TENM3: variants seen among roughly 807,000 people sequenced by gnomAD.
TENM3 encodes teneurin-3.
Under a neutral mutation model 255.1 loss-of-function variants are expected in TENM3, and 63 were observed. That is an observed-to-expected ratio of 0.25 (90% confidence interval 0.20 to 0.30). TENM3 has a LOEUF of 0.30. Among genes scored for constraint, TENM3 ranks in the 10% least tolerant of loss-of-function variants. TENM3 has a pLI of 1.00. For synonymous variants in TENM3, 1,306 were observed against 1,322.3 expected (o/e 0.99, Z 0.27); for missense variants, 2,929 against 3,461.1 (o/e 0.85, Z 3.86).
the TENM3 span, among the ~76,000 whole-genome samples, chr4:181,971,496 T>C: frequency 6.6e-6 from 1 of 152,116 alleles, no homozygotes; most frequent in Non-Finnish European, 1.5e-5. Flanking sequence ...TAACTTAATA[T>C]AGTTCTACCC....
chr4:181,668,231 G>A, the TENM3 span, among the ~76,000 whole-genome samples: 1 of 152,178 alleles, frequency 6.6e-6, no homozygotes, highest in Admixed American at 6.5e-5. Context: ...ACAGTTGTCT[G>A]TCTGGCTTTC....
intron 1 of TENM3, among the ~76,000 whole-genome samples, chr4:182,191,862 A>G (rs1753546464): frequency 6.6e-6 from 1 of 152,140 alleles, no homozygotes; most frequent in Non-Finnish European, 1.5e-5. Flanking sequence ...ATTATCGCTG[A>G]TCTACTTTTG....
chr4:182,785,223 C>T (rs932578120), intron 24 of TENM3, among the ~76,000 whole-genome samples: 3 of 151,630 alleles, frequency 2.0e-5, no homozygotes, highest in Admixed American at 6.6e-5. Context: ...ACTACAGGCA[C>T]CTCCACACCT....
intron 3 of TENM3, among the ~76,000 whole-genome samples, chr4:182,428,227 G>A (rs1340318799): frequency 6.6e-6 from 1 of 152,008 alleles, no homozygotes; most frequent in African/African-American, 2.4e-5. Flanking sequence ...AAGTGATAAG[G>A]AATTATTATA....
chr4:181,809,013 T>C, the TENM3 span, among the ~76,000 whole-genome samples: 2 of 152,188 alleles, frequency 1.3e-5, no homozygotes, highest in Non-Finnish European at 2.9e-5. Flanking sequence ...ATATTTGACA[T>C]ACACCGGAGA....
chr4:181,582,683 A>AAAAG, the TENM3 span, among the ~76,000 whole-genome samples: 1 of 146,752 alleles, frequency 6.8e-6, no homozygotes, highest in African/African-American at 2.5e-5. Flanking sequence ...AAAAAAAAAA[A>AAAAG]AAAGAAAGAA....
At chr4:181,482,491 G>T in the TENM3 span, among the ~76,000 whole-genome samples, 68 of 152,174 alleles carry the variant, frequency 4.5e-4, no homozygotes, top group African/African-American at 1.5e-3. Context: ...CAAATGCATA[G>T]GTGTACAGTG....
intron 11 of TENM3, among the ~76,000 whole-genome samples, 191 bp from the exon 12 acceptor site, chr4:182,687,975 G>T (rs368522489): frequency 6.6e-6 from 1 of 152,206 alleles, no homozygotes; most frequent in Non-Finnish European, 1.5e-5. Flanking sequence ...AAGACGTAGA[G>T]TTCCACCATT....
chr4:182,139,600 C>G (rs567969182), upstream of TENM3, among the ~76,000 whole-genome samples: 20 of 152,318 alleles, frequency 1.3e-4, no homozygotes, highest in African/African-American at 4.6e-4. Flanking sequence ...AAAAGGCACT[C>G]TATGATAACT....
At chr4:182,767,851 C>A (rs1763854570) in intron 22 of TENM3, among the ~76,000 whole-genome samples, 1 of 152,190 alleles carries the variant, frequency 6.6e-6, no homozygotes, top group African/African-American at 2.4e-5. Context: ...TTTATCCCAT[C>A]TGGAGGCCTT....
chr4:182,793,753 G>A lies in TENM3; in HGVS notation c.7081G>A (p.Ala2361Thr), dbSNP rs749739188. 4 of 1,613,960 alleles carry A rather than the reference G, an allele frequency of 2.5e-6. No individual in the cohort carries two copies. Among genetic ancestry groups the A allele is most frequent in the Non-Finnish European group, 3.4e-6 (4 of 1,179,888 alleles). The change falls in exon 26 of 28, where the codon GCA becomes ACA. Residue 2361 changes from alanine to threonine, a missense_variant. By Grantham distance (58) the Ala-to-Thr change is moderately conservative. Coordinates refer to ENST00000511685, the MANE Select transcript of TENM3 (RefSeq NM_001080477.4). This position sits in a 1 kb window ranked among gnomAD's most constrained non-coding sequence, Gnocchi z 5.7. Reference protein sequence around the residue: ...HFGERDYDILAGRWTTPDIEI... With the variant: ...HFGERDYDILTGRWTTPDIEI... ...TGGAGAAAGAGATTATGACATTTTG[G>A]CAGGACGGTGGACAACACCTGACAT...
the TENM3 span, among the ~76,000 whole-genome samples, chr4:181,610,247 A>G: frequency 9.6e-3 from 1,446 of 151,208 alleles, 25 homozygotes; most frequent in African/African-American, 0.033. Flanking sequence ...TATGGGCACA[A>G]TCCTCATTTT....
At chr4:182,766,811 A>T (rs1272233194) in intron 22 of TENM3, among the ~76,000 whole-genome samples, 2 of 152,134 alleles carry the variant, frequency 1.3e-5, no homozygotes, top group Non-Finnish European at 2.9e-5. Flanking sequence ...AGCACGGGTC[A>T]GAATTTGCCC....
chr4:181,694,130 TG>T, the TENM3 span, among the ~76,000 whole-genome samples: 1 of 152,162 alleles, frequency 6.6e-6, no homozygotes, highest in East Asian at 1.9e-4. Flanking sequence ...TGCCAAAACA[TG>T]GTAAAGTTTC....
At chr4:181,765,281 T>C in the TENM3 span, among the ~76,000 whole-genome samples, 3 of 152,200 alleles carry the variant, frequency 2.0e-5, no homozygotes, top group East Asian at 5.8e-4. Flanking sequence ...TGTGTAAAGT[T>C]GACGTATGTA....
chr4:182,540,517 G>T (rs927815556), intron 3 of TENM3, among the ~76,000 whole-genome samples: 19 of 152,212 alleles, frequency 1.2e-4, no homozygotes, highest in African/African-American at 4.6e-4. Flanking sequence ...AACCCAGGAG[G>T]CGGAGGTTAC....
chr4:182,556,548 G>T (rs1159954781), intron 3 of TENM3, among the ~76,000 whole-genome samples: 3 of 152,278 alleles, frequency 2.0e-5, no homozygotes, highest in African/African-American at 2.4e-5. Flanking sequence ...CTTTTCTAAA[G>T]AATTATTTAA....
the TENM3 span, among the ~76,000 whole-genome samples, chr4:181,853,974 T>G: frequency 2.6e-5 from 4 of 152,214 alleles, no homozygotes; most frequent in African/African-American, 9.6e-5. Context: ...TTTTAAATGT[T>G]TTATTCACTT....
chr4:182,596,125 G>A (rs1399330673), intron 3 of TENM3, among the ~76,000 whole-genome samples: 1 of 152,098 alleles, frequency 6.6e-6, no homozygotes, highest in Non-Finnish European at 1.5e-5. Context: ...GAAAGTACCA[G>A]AAGATCCAAA....
Sources: gnomAD v4.1 joint callset for allele counts (sites outside exome capture counted in the v4.1 genomes callset) on GRCh38, gnomAD v4.1.1 for gene constraint, Gnocchi (gnomAD v3.1) non-coding constraint, MANE v1.5 for transcripts, NCBI Gene and HGNC (gene_info 2026-07-23, HGNC 2026-07-21) for gene names.